The following LOXHD1 variants were observed in gnomAD, a reference collection of about 807,000 sequenced individuals.
The protein encoded by LOXHD1 is lipoxygenase homology domain-containing protein 1.
Under a neutral mutation model 248.2 loss-of-function variants are expected in LOXHD1, and 205 were observed. The observed-to-expected ratio is 0.83, with a 90% CI of 0.74 to 0.93. LOXHD1 has a LOEUF of 0.93. Among genes scored for constraint, LOXHD1 ranks in the 40% least tolerant of loss-of-function variants. The pLI is 0.00. For synonymous variants in LOXHD1, 1,113 were observed against 1,162.8 expected (o/e 0.96, Z 0.87); for missense variants, 2,930 against 2,971.6 (o/e 0.99, Z 0.33).
chr18:46,507,852 G>T, intron 35 of LOXHD1, 140 bp from the exon 36 acceptor site: 1 of 879,476 alleles, frequency 1.1e-6, no homozygotes, highest in Non-Finnish European at 1.7e-6. Flanking sequence ...GAGACCCACG[G>T]GGTGTGGAAA....
intron 37 of LOXHD1, among the ~76,000 whole-genome samples, chr18:46,495,980 C>T (rs541478851): frequency 5.7e-4 from 87 of 152,102 alleles, no homozygotes; most frequent in African/African-American, 2.0e-3. Flanking sequence ...TGCAGTGAGC[C>T]GAGATGGCGC....
intron 23 of LOXHD1, chr18:46,544,949 A>G (rs2036732595): frequency 2.1e-6 from 1 of 479,846 alleles, no homozygotes; most frequent in Non-Finnish European, 4.3e-6. Flanking sequence ...GCTGGACCCA[A>G]CACTAAACAC....
At chr18:46,648,539 T>TAAC (rs1156502809) in intron 2 of LOXHD1, among the ~76,000 whole-genome samples, 1 of 152,330 alleles carries the variant, frequency 6.6e-6, no homozygotes, top group Non-Finnish European at 1.5e-5. Flanking sequence ...AGTCGTCTGC[T>TAAC]AACATGTTCT....
In LOXHD1 at chr18:46,518,118, C is replaced by T. The variant is rs2035359333; in HGVS notation, c.5399+11G>A. On this transcript the variant is annotated intron_variant, in intron 34 of 40. Coordinates refer to ENST00000642948, the MANE Select transcript of LOXHD1 (RefSeq NM_001384474.1). ...TGGGAGGGGTGAGGGGCAGGGGCCG[C>T]CTCCAGGTACCTGGCTTTCTTTTTG... is the stretch of plus-strand genomic sequence containing the variant. 6.4e-7 allele frequency: 1 copy of T among 1,551,274 alleles called. No homozygotes were observed. Among genetic ancestry groups the T allele is most frequent in the Non-Finnish European group, 8.7e-7 (1 of 1,146,964 alleles).
chr18:46,498,818 TGAA>T (rs1383260608), intron 37 of LOXHD1, among the ~76,000 whole-genome samples: 1 of 152,222 alleles, frequency 6.6e-6, no homozygotes, highest in East Asian at 1.9e-4. Flanking sequence ...AGGTTCTTGG[TGAA>T]GAAGAATTTG....
intron 33 of LOXHD1, chr18:46,519,124 G>T: frequency 8.1e-6 from 8 of 981,622 alleles, no homozygotes; most frequent in Non-Finnish European, 9.7e-6. Context: ...TGATGTTCTA[G>T]AATGTTCTTT....
chr18:46,616,260 G>A (rs141150336), intron 5 of LOXHD1, among the ~76,000 whole-genome samples: 1 of 151,586 alleles, frequency 6.6e-6, no homozygotes, highest in African/African-American at 2.4e-5. Context: ...TCCCTTTTAT[G>A]TCTTCCTTTG....
Position 46,650,552 on chromosome 18 carries a change from G to A in LOXHD1, c.131-1283C>T, listed in dbSNP as rs180995358. The stretch of plus-strand genomic sequence containing the variant: ...GTTATTTCTACTTCCGGTCTTTTCA[G>A]AGCAGATCCCCAACCAGATGCTGAG... On this transcript the variant is annotated intron_variant, in intron 1 of 40. Coordinates refer to ENST00000642948, the MANE Select transcript of LOXHD1 (RefSeq NM_001384474.1). Among the ~76,000 whole-genome samples the A allele has an allele frequency of 1.3e-5, 2 of 152,292 alleles. 1 individual carries two copies. The highest frequency in any genetic ancestry group is 1.3e-4 in the Admixed American group (2 of 15,292).
At chr18:46,594,189 G>T (rs957066688) in intron 9 of LOXHD1, 142 bp downstream of exon 9, 3 of 1,080,354 alleles carry the variant, frequency 2.8e-6, no homozygotes, top group Non-Finnish European at 3.9e-6. Flanking sequence ...GGCGGGGTTG[G>T]GGGAGCTTTT....
chr18:46,546,920 GA>G lies in LOXHD1; in HGVS notation c.3488del (p.Leu1163ProfsTer17). 6.4e-7 allele frequency: 1 copy of G among 1,551,184 alleles called. No individual in the cohort carries two copies. The highest frequency in any genetic ancestry group is 8.7e-7 in the Non-Finnish European group (1 of 1,146,576). On this transcript the variant is annotated frameshift_variant, in exon 22 of 41. Coordinates refer to ENST00000642948, the MANE Select transcript of LOXHD1 (RefSeq NM_001384474.1). LOFTEE classifies it high-confidence loss of function. Reference sequence around the variant, plus strand: ...CTTTCTGCTCCAGGGCCAGGTTGTCGAGGGGGTTGTTGTCACCGCCTCCCCT... The same window carrying G: ...CTTTCTGCTCCAGGGCCAGGTTGTCGGGGGGTTGTTGTCACCGCCTCCCCT... ...EGRGGGDNNP[L>X]DNLALEQKDK...
At chr18:46,643,470 C>A (rs1211847280) in intron 2 of LOXHD1, among the ~76,000 whole-genome samples, 1 of 152,200 alleles carries the variant, frequency 6.6e-6, no homozygotes, top group Non-Finnish European at 1.5e-5. Context: ...GTAAATCCTC[C>A]TGCCCAGGAA....
chr18:46,577,862 G>C lies in LOXHD1; in HGVS notation c.1815C>G (p.Asp605Glu). 6.4e-7 allele frequency: 1 copy of C among 1,551,510 alleles called. No individual in the cohort carries two copies. Residue 605 changes from aspartate to glutamate, a missense_variant, in exon 14 of 41, where the codon GAC (aspartate) becomes GAG (glutamate). By Grantham distance (45) the Asp-to-Glu change is conservative (BLOSUM62 2). Transcript: ENST00000642948. ...NTDLFEKGNADEFTIESVTMR... is the reference protein window; with the variant it reads ...NTDLFEKGNAEEFTIESVTMR... The stretch of plus-strand genomic sequence containing the variant: ...TGGTGACAGACTCGATAGTGAACTC[G>C]TCAGCCTTGTGGGGGGAAACCACAA...
Position 46,485,211 on chromosome 18 carries a change from G to A in LOXHD1, c.6050-60C>T, listed in dbSNP as rs192036548. 49 of 1,518,012 alleles carry A rather than the reference G, an allele frequency of 3.2e-5. No individual in the cohort carries two copies. In the East Asian group the frequency reaches 6.7e-4, roughly 21 times the overall value. The allele number at this position is 1,518,012 out of a possible 1,614,324, so 94.0% of individuals were successfully genotyped here. ...GGGAAGCAGTGCCCGTCTTCAGGGC[G>A]GGAGCAAGAGGGTCACGGCCTCCGG... is the stretch of plus-strand genomic sequence containing the variant. On this transcript the variant is annotated intron_variant, in intron 38 of 40. Transcript: ENST00000642948.
intron 13 of LOXHD1, among the ~76,000 whole-genome samples, chr18:46,578,243 C>T (rs772097728): frequency 1.3e-5 from 2 of 152,268 alleles, no homozygotes; most frequent in East Asian, 1.9e-4. Flanking sequence ...GAATTGATTA[C>T]GGGGACTAAG....
At chr18:46,542,612 G>T in intron 24 of LOXHD1, 115 bp downstream of exon 24, 2 of 1,271,648 alleles carry the variant, frequency 1.6e-6, no homozygotes, top group Non-Finnish European at 2.2e-6. Context: ...AGGAAGCTGT[G>T]TCATTACAGA....
At position 46,587,684 on chromosome 18, in the gene LOXHD1, G is replaced by A. The variant is rs143682249; in HGVS notation, c.1654+4249C>T. On this transcript the variant is annotated intron_variant, in intron 12 of 40. Coordinates refer to ENST00000642948, the MANE Select transcript of LOXHD1 (RefSeq NM_001384474.1). ...TTTTAAAATTACAGCTCTGATTAAC[G>A]AGAAGCTACGATTTTCTGCACTTGA... Among the ~76,000 whole-genome samples, 31 of 152,328 alleles carry A rather than the reference G, an allele frequency of 2.0e-4. No homozygotes were observed. The East Asian group carries it at 4.2e-3, about 21-fold the overall frequency.
chr18:46,640,708 G>A (rs2038952198), intron 3 of LOXHD1, among the ~76,000 whole-genome samples: 1 of 152,086 alleles, frequency 6.6e-6, no homozygotes, highest in South Asian at 2.1e-4. Context: ...ATTTGGATTA[G>A]CCACATTTCA....
intron 12 of LOXHD1, among the ~76,000 whole-genome samples, chr18:46,590,968 T>G (rs1467982508): frequency 6.6e-6 from 1 of 152,212 alleles, no homozygotes; most frequent in Non-Finnish European, 1.5e-5. Context: ...AACAGAATGA[T>G]CTCTTTTTAG....
chr18:46,543,963 C>T (rs1250762009), intron 23 of LOXHD1, among the ~76,000 whole-genome samples: 2 of 152,186 alleles, frequency 1.3e-5, no homozygotes, highest in African/African-American at 2.4e-5. Flanking sequence ...CCCCAACCCC[C>T]AGCTATTTCA....
Sources: gnomAD v4.1 joint callset for allele counts (sites outside exome capture counted in the v4.1 genomes callset) on GRCh38, gnomAD v4.1.1 for gene constraint, MANE v1.5 for transcripts, NCBI Gene and HGNC (gene_info 2026-07-23, HGNC 2026-07-21) for gene names.